SEPTIN9: variants seen among roughly 807,000 people sequenced by gnomAD.
The protein encoded by SEPTIN9 is septin 9, also known as septin-9.
Under a neutral mutation model 56.6 loss-of-function variants are expected in SEPTIN9, and 13 were observed. The observed-to-expected ratio is 0.23, with a 90% CI of 0.15 to 0.37. The LOEUF (loss-of-function observed/expected upper bound fraction) is 0.37, where lower values mean the gene tolerates loss of function less well. Ranked by LOEUF, SEPTIN9 falls within the 10% of genes least tolerant of loss-of-function variation. SEPTIN9 has a pLI of 1.00. For missense variants in SEPTIN9, 650 were observed against 823.1 expected (o/e 0.79, Z 2.57); for synonymous variants, 332 against 334.1 (o/e 0.99, Z 0.07).
chr17:77,433,116 C>T lies in SEPTIN9; in HGVS notation c.721+30413C>T, dbSNP rs1442545011. ...ACCCCAACTCTGAATGGCTTCAGCCCTCAAGAGAATTTGGAGCTTTTTTGT... is the reference window on the plus strand; with the variant it reads ...ACCCCAACTCTGAATGGCTTCAGCCTTCAAGAGAATTTGGAGCTTTTTTGT... On this transcript the variant is annotated intron_variant, in intron 3 of 11. Coordinates refer to ENST00000427177, the MANE Select transcript of SEPTIN9 (RefSeq NM_001113491.2). The surrounding 1 kb of genome is among the most constrained non-coding windows in gnomAD (Gnocchi z 6.4). Among the ~76,000 whole-genome samples the T allele has an allele frequency of 6.6e-6, 1 of 152,192 alleles. No homozygotes were observed. Among genetic ancestry groups the T allele is most frequent in the African/African-American group, 2.4e-5 (1 of 41,426 alleles).
intron 3 of SEPTIN9, among the ~76,000 whole-genome samples, chr17:77,441,908 G>C (rs922104422): frequency 6.6e-6 from 1 of 152,164 alleles, no homozygotes; most frequent in Non-Finnish European, 1.5e-5. Flanking sequence ...TGGGACAGGC[G>C]ACACTGCAGT....
rs529169895 is a variant in SEPTIN9, at chr17:77,327,381, C to T, written c.76+20184C>T. Among the ~76,000 whole-genome samples the T allele has an allele frequency of 1.2e-4, 18 of 152,316 alleles. No homozygotes were observed. The highest frequency in any genetic ancestry group is 2.6e-4 in the Admixed American group (4 of 15,302). ...TCTGAAGCCGCTCGCTGTGTGCCCC[C>T]GCCTGGCCCCATGCATCCCGCACGG... is the stretch of plus-strand genomic sequence containing the variant. On this transcript the variant is annotated intron_variant, in intron 2 of 11. Coordinates refer to ENST00000427177, the MANE Select transcript of SEPTIN9 (RefSeq NM_001113491.2). The surrounding 1 kb of genome is among the most constrained non-coding windows in gnomAD (Gnocchi z 5.0).
In SEPTIN9 at chr17:77,445,744, A is replaced by G; in HGVS notation, c.722-36400A>G. 7.4e-6 allele frequency: 2 copies of G among 268,740 alleles called. No homozygotes were observed. Among genetic ancestry groups the G allele is most frequent in the Non-Finnish European group, 1.6e-5 (2 of 126,070 alleles). The allele number at this position is 268,740 out of a possible 1,614,324, so 16.6% of individuals were successfully genotyped here. On this transcript the variant is annotated intron_variant, in intron 3 of 11. Transcript: ENST00000427177. This position sits in a 1 kb window ranked among gnomAD's most constrained non-coding sequence, Gnocchi z 4.7. ...TGTCCCCTGTGGCTTCCAGAGTGGG[A>G]CCTTGCTGTGGGATAGGCTGGCCAA...
intron 2 of SEPTIN9, among the ~76,000 whole-genome samples, chr17:77,354,920 C>G (rs1455972874): frequency 1.3e-5 from 2 of 152,028 alleles, no homozygotes; most frequent in African/African-American, 4.8e-5. Context: ...TACAAGGAAA[C>G]AGGCTCAGAG....
chr17:77,465,458 C>G (rs756477934), intron 3 of SEPTIN9, among the ~76,000 whole-genome samples: 23 of 152,166 alleles, frequency 1.5e-4, no homozygotes, highest in Non-Finnish European at 3.2e-4. Context: ...CCAGGTGCTG[C>G]GAGTCCGTGT....
intron 2 of SEPTIN9, among the ~76,000 whole-genome samples, chr17:77,309,847 T>C (rs2032417160): frequency 6.6e-6 from 1 of 152,204 alleles, no homozygotes; most frequent in Admixed American, 6.5e-5. Context: ...ACATTGCAGG[T>C]GTAGCCGCAG....
At position 77,425,958 on chromosome 17, in the gene SEPTIN9, G is replaced by A. The variant is rs948017907; in HGVS notation, c.721+23255G>A. Among the ~76,000 whole-genome samples the A allele has an allele frequency of 5.9e-5, 9 of 152,286 alleles. No homozygotes were observed. The highest frequency in any genetic ancestry group is 1.2e-4 in the African/African-American group (5 of 41,564). ...GCCCTGTGCAGAGGGGAGTGTGTGC[G>A]GCTGTGAGTTCAGGCCATGCCCTCA... On this transcript the variant is annotated intron_variant, in intron 3 of 11. Coordinates refer to ENST00000427177, the MANE Select transcript of SEPTIN9 (RefSeq NM_001113491.2). The surrounding 1 kb of genome is among the most constrained non-coding windows in gnomAD (Gnocchi z 4.2).
chr17:77,356,679 C>CACCCCT (rs2034259769), intron 2 of SEPTIN9, among the ~76,000 whole-genome samples: 1 of 32,974 alleles, frequency 3.0e-5, no homozygotes. Flanking sequence ...TCCCCCTCCC[C>CACCCCT]TCCCCCCCCA....
rs1430861412 is a variant in SEPTIN9 at position 77,450,461 on chromosome 17, T to TCGGAA, written c.722-31680_722-31676dup. ...ATCCCTCCCAGCCCCCAGCAAGCCCTCGGAACGAGCCCACTCCCAGGCGCT... is the reference window on the plus strand; with the variant it reads ...ATCCCTCCCAGCCCCCAGCAAGCCCTCGGAACGGAACGAGCCCACTCCCAGGCGCT... On this transcript the variant is annotated intron_variant, in intron 3 of 11. Transcript: ENST00000427177. This position sits in a 1 kb window ranked among gnomAD's most constrained non-coding sequence, Gnocchi z 6.0. The TCGGAA allele has an allele frequency of 3.0e-6, 3 of 985,040 alleles. No individual in the cohort carries two copies. The highest frequency in any genetic ancestry group is 6.2e-5 in the Admixed American group (1 of 16,258). 61.0% of individuals were successfully genotyped at this position (985,040 alleles called of 1,614,324 possible).
At chr17:77,481,366 C>T (rs1598442689) in intron 3 of SEPTIN9, among the ~76,000 whole-genome samples, 1 of 151,874 alleles carries the variant, frequency 6.6e-6, no homozygotes, top group East Asian at 1.9e-4. Context: ...AGACGGCCGC[C>T]TGGGTCAGTC....
intron 1 of SEPTIN9, among the ~76,000 whole-genome samples, chr17:77,295,066 G>A (rs898443405): frequency 4.6e-5 from 7 of 152,166 alleles, no homozygotes; most frequent in African/African-American, 1.2e-4. Context: ...CCCCCACGTG[G>A]CAGCAAGCCT....
intron 4 of SEPTIN9, among the ~76,000 whole-genome samples, chr17:77,486,487 G>GGTGT (rs773025304): frequency 0.081 from 11,650 of 143,598 alleles, 494 homozygotes; most frequent in East Asian, 0.089. Flanking sequence ...AGTCTGGAGG[G>GGTGT]GTGTGTGTGT....
intron 2 of SEPTIN9, among the ~76,000 whole-genome samples, chr17:77,364,416 G>A (rs185358126): frequency 6.6e-5 from 10 of 152,220 alleles, no homozygotes; most frequent in African/African-American, 2.4e-4. Context: ...AGTCTGGAAC[G>A]GAGTGGAAGC....
chr17:77,485,325 G>A (rs1310538838), intron 4 of SEPTIN9, among the ~76,000 whole-genome samples: 1 of 126,580 alleles, frequency 7.9e-6, no homozygotes, highest in Non-Finnish European at 1.7e-5. Context: ...TGGTGATAGT[G>A]ATGGGGATGA....
chr17:77,403,749 G>C (rs545294245), intron 3 of SEPTIN9, among the ~76,000 whole-genome samples: 1 of 152,332 alleles, frequency 6.6e-6, no homozygotes, highest in East Asian at 1.9e-4. Context: ...TTTAGCTGCT[G>C]CTTCTTATTT....
In SEPTIN9 at chr17:77,287,713, A is replaced by AG. The variant is rs145183658; in HGVS notation, c.19+6163dup. On this transcript the variant is annotated intron_variant, in intron 1 of 11. Transcript: ENST00000427177. ...GACATTGAGCTGTTGCTGGCAGAGG[A>AG]GGGGCGGCTCCTGGGCACTGCTTGC... Among the ~76,000 whole-genome samples, 284 of 152,166 alleles carry AG rather than the reference A, an allele frequency of 1.9e-3. 2 individuals are homozygous for AG. The highest frequency in any genetic ancestry group is 6.5e-3 in the African/African-American group (270 of 41,520).
Position 77,371,751 on chromosome 17 carries a change from C to T in SEPTIN9, c.77-30308C>T, listed in dbSNP as rs900656634. On this transcript the variant is annotated intron_variant, in intron 2 of 11. Transcript: ENST00000427177. The surrounding 1 kb of genome is among the most constrained non-coding windows in gnomAD (Gnocchi z 4.1). ...TCTGAAACCCGGGCTCCCAGGCCGA[C>T]GAGGGTGTGCACGCATCTGAAATGT... Among the ~76,000 whole-genome samples, 5 of 152,174 alleles carry T rather than the reference C, an allele frequency of 3.3e-5. No individual in the cohort carries two copies. Among genetic ancestry groups the T allele is most frequent in the African/African-American group, 9.7e-5 (4 of 41,430 alleles).
At chr17:77,362,562 C>T (rs1215359650) in intron 2 of SEPTIN9, among the ~76,000 whole-genome samples, 1 of 152,216 alleles carries the variant, frequency 6.6e-6, no homozygotes, top group Non-Finnish European at 1.5e-5. Flanking sequence ...ATGAAGCCCA[C>T]CTCCTAATCC....
intron 3 of SEPTIN9, among the ~76,000 whole-genome samples, chr17:77,463,416 G>A (rs894678497): frequency 2.0e-5 from 3 of 152,070 alleles, no homozygotes; most frequent in Non-Finnish European, 2.9e-5. Flanking sequence ...TTCACCCCAA[G>A]ATAAATTTGC....
Sources: gnomAD v4.1 joint callset for allele counts (sites outside exome capture counted in the v4.1 genomes callset) on GRCh38, gnomAD v4.1.1 for gene constraint, Gnocchi (gnomAD v3.1) non-coding constraint, MANE v1.5 for transcripts, NCBI Gene and HGNC (gene_info 2026-07-23, HGNC 2026-07-21) for gene names.